The following DGKI variants were observed in gnomAD, a reference collection of about 807,000 sequenced individuals.
DGKI encodes the protein diacylglycerol kinase iota.
A neutral mutation model predicts 147.5 loss-of-function variants in DGKI; 55 were observed. That is an observed-to-expected ratio of 0.37 (90% CI 0.30 to 0.47). The LOEUF is 0.47. Ranked by LOEUF, DGKI falls within the 20% of genes least tolerant of loss-of-function variation. The probability of loss-of-function intolerance (pLI) is 1.00; values close to 1 mark genes in which losing one functional copy is unlikely to be tolerated. For synonymous variants in DGKI, 469 were observed against 477.1 expected, an observed-to-expected ratio of 0.98 and a Z score of 0.22; for missense variants, 1,007 against 1,323.8, an observed-to-expected ratio of 0.76 and a Z score of 3.71.
At chr7:137,620,026 C>CACAT in intron 7 of DGKI, 86 bp from the exon 8 acceptor site, 3 of 691,628 alleles carry the variant, frequency 4.3e-6, no homozygotes, top group Middle Eastern at 4.1e-4. Context: ...CACGCACACA[C>CACAT]ACACACACAC....
chr7:137,815,265 C>T (rs1769369495), intron 1 of DGKI, among the ~76,000 whole-genome samples: 2 of 152,088 alleles, frequency 1.3e-5, no homozygotes, highest in African/African-American at 2.4e-5. Flanking sequence ...TTCAGAAACT[C>T]GTCTTCCATA....
chr7:137,683,224 C>T (rs970243404), intron 2 of DGKI, among the ~76,000 whole-genome samples: 4 of 151,730 alleles, frequency 2.6e-5, no homozygotes, highest in South Asian at 2.1e-4. Context: ...CATGATTGTG[C>T]CTCTCCCTTG....
chr7:137,417,515 CTCTCT>C (rs1196646056), intron 28 of DGKI, among the ~76,000 whole-genome samples: 1 of 152,226 alleles, frequency 6.6e-6, no homozygotes, highest in Non-Finnish European at 1.5e-5. Flanking sequence ...CACAGCCTCT[CTCTCT>C]TAAGTCTGGG....
chr7:137,502,702 C>T (rs1279270558), intron 21 of DGKI, among the ~76,000 whole-genome samples: 5 of 152,064 alleles, frequency 3.3e-5, no homozygotes, highest in Non-Finnish European at 5.9e-5. Flanking sequence ...AAATGAGTCT[C>T]AGATAGATAA....
intron 12 of DGKI, among the ~76,000 whole-genome samples, chr7:137,589,538 A>C (rs992268612): frequency 2.6e-5 from 4 of 152,194 alleles, no homozygotes; most frequent in Non-Finnish European, 5.9e-5. Flanking sequence ...TCCAAATAAA[A>C]ATGCCTGATG....
chr7:137,809,879 G>A (rs1797506160), intron 1 of DGKI, among the ~76,000 whole-genome samples: 1 of 151,588 alleles, frequency 6.6e-6, no homozygotes, highest in Admixed American at 6.6e-5. Flanking sequence ...ACTCTAGCCT[G>A]AGCAACAGCG....
intron 28 of DGKI, among the ~76,000 whole-genome samples, chr7:137,415,971 C>T (rs1812343725): frequency 6.7e-6 from 1 of 149,226 alleles, no homozygotes; most frequent in South Asian, 2.2e-4. Flanking sequence ...GCCTGAGCGA[C>T]AGAGTGAGAC....
intron 28 of DGKI, among the ~76,000 whole-genome samples, chr7:137,427,542 A>G (rs1258648645): frequency 6.6e-6 from 1 of 152,202 alleles, no homozygotes; most frequent in East Asian, 1.9e-4. Flanking sequence ...GCAAGAAATA[A>G]CTAAAATCAG....
intron 1 of DGKI, among the ~76,000 whole-genome samples, chr7:137,803,743 A>G (rs1797281817): frequency 6.6e-6 from 1 of 152,214 alleles, no homozygotes; most frequent in Non-Finnish European, 1.5e-5. Flanking sequence ...CATTTCTGCA[A>G]ATGAAACATA....
chr7:137,617,907 A>G (rs1820588729), intron 8 of DGKI, among the ~76,000 whole-genome samples: 1 of 151,482 alleles, frequency 6.6e-6, no homozygotes, highest in Non-Finnish European at 1.5e-5. Context: ...AATGGCAGAA[A>G]AGTTGATGGC....
chr7:137,440,661 G>A (rs1481320166), intron 28 of DGKI, among the ~76,000 whole-genome samples: 1 of 152,190 alleles, frequency 6.6e-6, no homozygotes. Context: ...GTGAAACTGG[G>A]GGTGATACAT....
chr7:137,670,090 A>G (rs1822789264), intron 3 of DGKI, among the ~76,000 whole-genome samples: 2 of 152,164 alleles, frequency 1.3e-5, no homozygotes, highest in South Asian at 4.1e-4. Context: ...AAAGTCATTC[A>G]GTGTTTTCAA....
chr7:137,678,695 G>A, intron 2 of DGKI, 43 bp from the exon 3 acceptor site: 1 of 1,551,230 alleles, frequency 6.4e-7, no homozygotes, highest in Admixed American at 1.7e-5. Context: ...TTTTTTTCCA[G>A]GGATAAGGAA....
chr7:137,552,752 T>TCAAA (rs777780004), intron 19 of DGKI, among the ~76,000 whole-genome samples, 184 bp from the exon 20 acceptor site: 5 of 121,238 alleles, frequency 4.1e-5, no homozygotes, highest in African/African-American at 1.5e-4. Context: ...CTACTAAAAA[T>TCAAA]ACAAAAAAAA....
In DGKI at chr7:137,704,928, G is replaced by T. The variant is rs780527714; in HGVS notation, c.402-14926C>A. The stretch of plus-strand genomic sequence containing the variant: ...CAACCAAGAATTTTATATCCAGCAT[G>T]ACTATCAATCAAAAATGAAGAAAGA... On this transcript the variant is annotated intron_variant, in intron 1 of 32. Transcript: ENST00000614521. 2.0e-5 allele frequency among the ~76,000 whole-genome samples: 3 copies of T among 152,120 alleles called. No homozygotes were observed. In the East Asian group the frequency reaches 5.8e-4, roughly 29 times the overall value.
At position 137,397,414 on chromosome 7, in the gene DGKI, C is replaced by G; in HGVS notation, c.2921-1G>C. On this transcript the variant is annotated splice_acceptor_variant, in intron 30 of 32. Transcript: ENST00000614521. LOFTEE classifies it high-confidence loss of function. ...GCCATATCCAATAACTCGGAAGGTC[C>G]TAAATAAGAAGAAAGCAAGATGACC... 6.2e-7 allele frequency: 1 copy of G among 1,611,864 alleles called. No homozygotes were observed.
chr7:137,515,978 A>C (rs1433532779), intron 21 of DGKI, among the ~76,000 whole-genome samples: 1 of 152,136 alleles, frequency 6.6e-6, no homozygotes, highest in Non-Finnish European at 1.5e-5. Context: ...AAAAGGAAGG[A>C]CAATGCCCTT....
In DGKI at chr7:137,608,685, A is replaced by C. The variant is rs1274311085; in HGVS notation, c.1167+281T>G. Among the ~76,000 whole-genome samples, 3 of 152,222 alleles carry C rather than the reference A, an allele frequency of 2.0e-5. No homozygotes were observed. The East Asian group carries it at 5.8e-4, about 29-fold the overall frequency. On this transcript the variant is annotated intron_variant, in intron 10 of 32. Transcript: ENST00000614521. ...TACGAACTAAGAGAAATTCTAGAAT[A>C]TCCTTTCTTGAAAATCTGTAAGGAA...
At chr7:137,793,939 G>C (rs572805103) in intron 1 of DGKI, among the ~76,000 whole-genome samples, 2 of 152,262 alleles carry the variant, frequency 1.3e-5, no homozygotes, top group East Asian at 3.9e-4. Flanking sequence ...AGTTTTCAAA[G>C]TCACCATCAT....
Sources: allele counts gnomAD v4.1 joint callset (sites outside exome capture counted in the v4.1 genomes callset), GRCh38; gene constraint gnomAD v4.1.1; transcripts MANE v1.5; gene names NCBI Gene and HGNC (gene_info 2026-07-23, HGNC 2026-07-21).